SCAPER: variants seen among roughly 807,000 people sequenced by gnomAD.
SCAPER encodes the protein S-phase cyclin A associated protein in the ER.
SCAPER carries 98 observed loss-of-function variants against 182.2 expected under a neutral mutation model. That is an observed-to-expected ratio of 0.54 (90% CI 0.46 to 0.64). The LOEUF (loss-of-function observed/expected upper bound fraction) is 0.64. SCAPER is among the 30% of genes least tolerant of loss of function. SCAPER has a pLI of 0.00. For synonymous variants in SCAPER, 605 were observed against 564.6 expected (o/e 1.07, Z -1.01); for missense variants, 1,432 against 1,690.0 (o/e 0.85, Z 2.68).
chr15:76,365,536 G>T (rs1307369917), intron 29 of SCAPER, among the ~76,000 whole-genome samples: 1 of 152,168 alleles, frequency 6.6e-6, no homozygotes, highest in African/African-American at 2.4e-5. Context: ...CAGGGACAAT[G>T]GCAGCAAGTG....
intron 2 of SCAPER, among the ~76,000 whole-genome samples, chr15:76,876,436 A>C: frequency 1.1e-5 from 1 of 90,822 alleles, no homozygotes; most frequent in Admixed American, 1.4e-4. Flanking sequence ...TCAAAACAAA[A>C]GCAAAAAAAA....
At chr15:76,478,834 T>G (rs1454975649) in intron 24 of SCAPER, among the ~76,000 whole-genome samples, 1 of 152,150 alleles carries the variant, frequency 6.6e-6, no homozygotes, top group East Asian at 1.9e-4. Context: ...TTAAAAATAT[T>G]TCGGGGTATT....
chr15:76,413,334 T>C (rs1468898554), intron 26 of SCAPER, among the ~76,000 whole-genome samples: 1 of 152,214 alleles, frequency 6.6e-6, no homozygotes, highest in Non-Finnish European at 1.5e-5. Flanking sequence ...TTTATTATTA[T>C]GTACGATTTA....
rs1195999354 is a variant in SCAPER, at chr15:76,595,771, G to C, written c.2712-21487C>G. Among the ~76,000 whole-genome samples, 2 of 121,740 alleles carry C rather than the reference G, an allele frequency of 1.6e-5. 1 individual carries two copies. Among genetic ancestry groups the C allele is most frequent in the Non-Finnish European group, 4.0e-5 (2 of 50,082 alleles). 79.9% of individuals were successfully genotyped at this position (121,740 alleles called of 152,430 possible). On this transcript the variant is annotated intron_variant, in intron 22 of 31. Transcript: ENST00000563290. ...ATAAGTTCTTTGAAACCAATGGGAA[G>C]AAATACAAAATGTTCCAGAATCTCT... is the stretch of plus-strand genomic sequence containing the variant.
At chr15:76,489,854 T>C (rs142091468) in intron 24 of SCAPER, among the ~76,000 whole-genome samples, 1 of 152,212 alleles carries the variant, frequency 6.6e-6, no homozygotes, top group South Asian at 2.1e-4. Context: ...TTCTGTGAAT[T>C]TAAATATTTT....
chr15:76,742,692 T>A (rs1017628430), intron 15 of SCAPER, among the ~76,000 whole-genome samples: 2 of 151,826 alleles, frequency 1.3e-5, no homozygotes, highest in Non-Finnish European at 2.9e-5. Flanking sequence ...TTATTTTCAA[T>A]CACCAATCTA....
At chr15:76,479,873 A>G (rs1057426052) in intron 24 of SCAPER, among the ~76,000 whole-genome samples, 2 of 152,252 alleles carry the variant, frequency 1.3e-5, no homozygotes, top group East Asian at 3.8e-4. Context: ...CACAAAATCT[A>G]CATGGGGGAG....
At chr15:76,621,647 G>T in intron 22 of SCAPER, 117 bp downstream of exon 22, 1 of 841,390 alleles carries the variant, frequency 1.2e-6, no homozygotes. Flanking sequence ...TTAAGAGAAT[G>T]CTGTTCTAGA....
At chr15:76,358,756 T>C (rs183700380) in intron 29 of SCAPER, among the ~76,000 whole-genome samples, 2 of 152,362 alleles carry the variant, frequency 1.3e-5, no homozygotes, top group East Asian at 3.9e-4. Flanking sequence ...GTTCAGTCCA[T>C]AGCACAATCC....
At chr15:76,375,665 G>T (rs537432016) in intron 29 of SCAPER, among the ~76,000 whole-genome samples, 1 of 152,274 alleles carries the variant, frequency 6.6e-6, no homozygotes, top group African/African-American at 2.4e-5. Flanking sequence ...GGAGGCCCTA[G>T]GGCTAATCTA....
chr15:76,419,558 G>C (rs1314273867), intron 26 of SCAPER, among the ~76,000 whole-genome samples: 1 of 151,710 alleles, frequency 6.6e-6, no homozygotes, highest in Non-Finnish European at 1.5e-5. Context: ...CTGTCTCTAC[G>C]AAAAATACAA....
chr15:76,562,171 T>A lies in SCAPER; in HGVS notation c.2838+11987A>T, dbSNP rs200252182. Among the ~76,000 whole-genome samples, 733 of 86,784 alleles carry A rather than the reference T, an allele frequency of 8.4e-3. 6 individuals carry two copies. Among genetic ancestry groups the A allele is most frequent in the African/African-American group, 0.025 (679 of 26,934 alleles). The allele number at this position is 86,784 out of a possible 152,430, so 56.9% of individuals were successfully genotyped here. On this transcript the variant is annotated intron_variant, in intron 23 of 31. Coordinates refer to ENST00000563290, the MANE Select transcript of SCAPER (RefSeq NM_020843.4). ...CTCAAAAAAAAAAAAAAAAAAAAAATTAATACCAAATGGACAAGAGACTAA... is the reference window on the plus strand; with the variant it reads ...CTCAAAAAAAAAAAAAAAAAAAAAAATAATACCAAATGGACAAGAGACTAA...
chr15:76,549,749 CAAA>C (rs61165013), intron 23 of SCAPER, among the ~76,000 whole-genome samples: 1 of 151,620 alleles, frequency 6.6e-6, no homozygotes, highest in Non-Finnish European at 1.5e-5. Flanking sequence ...AGTGTAAAAA[CAAA>C]AAAAAGGATG....
In SCAPER at chr15:76,501,737, A is replaced by T. The variant is rs575950737; in HGVS notation, c.2954+3122T>A. 2.2e-4 allele frequency among the ~76,000 whole-genome samples: 33 copies of T among 152,322 alleles called. No homozygotes were observed. The South Asian group carries it at 6.6e-3, about 31-fold the overall frequency. On this transcript the variant is annotated intron_variant, in intron 24 of 31. Coordinates refer to ENST00000563290, the MANE Select transcript of SCAPER (RefSeq NM_020843.4). Reference sequence around the variant, plus strand: ...GGCTAAGGTGGCAAAAGGTTCATGGAGTTGAGGGGTGGGAACCCGCTAGGG... The same window carrying T: ...GGCTAAGGTGGCAAAAGGTTCATGGTGTTGAGGGGTGGGAACCCGCTAGGG...
In SCAPER at chr15:76,430,740, T is replaced by C. The variant is rs149775426; in HGVS notation, c.3311+3338A>G. ...GACTTGCCTTGACTCAGATGAGATG[T>C]TGTACTATGGACTTTTGAGTTAATG... On this transcript the variant is annotated intron_variant, in intron 26 of 31. Coordinates refer to ENST00000563290, the MANE Select transcript of SCAPER (RefSeq NM_020843.4). Among the ~76,000 whole-genome samples the C allele has an allele frequency of 1.1e-4, 17 of 152,324 alleles. 1 individual carries two copies. Among genetic ancestry groups the C allele is most frequent in the African/African-American group, 4.1e-4 (17 of 41,568 alleles).
chr15:76,468,923 T>C (rs1162995767), intron 25 of SCAPER, among the ~76,000 whole-genome samples: 4 of 152,114 alleles, frequency 2.6e-5, no homozygotes, highest in Admixed American at 2.6e-4. Context: ...AAGTGACAAG[T>C]CAGCAGTTTG....
At chr15:76,715,213 T>A (rs1377316951) in intron 17 of SCAPER, among the ~76,000 whole-genome samples, 1 of 144,796 alleles carries the variant, frequency 6.9e-6, no homozygotes, top group Non-Finnish European at 1.5e-5. Context: ...AGACAGCACC[T>A]CACACTTCCA....
intron 22 of SCAPER, among the ~76,000 whole-genome samples, chr15:76,609,311 G>C (rs977211414): frequency 1.3e-5 from 2 of 148,310 alleles, no homozygotes; most frequent in African/African-American, 5.0e-5. Flanking sequence ...ACAATACAGT[G>C]AGATCTTTTC....
At chr15:76,861,179 T>G (rs2071831569) in intron 3 of SCAPER, among the ~76,000 whole-genome samples, 1 of 152,174 alleles carries the variant, frequency 6.6e-6, no homozygotes, top group Non-Finnish European at 1.5e-5. Flanking sequence ...CCAAGGATTA[T>G]CAATAGAAGC....
Sources: allele counts gnomAD v4.1 joint callset (sites outside exome capture counted in the v4.1 genomes callset), GRCh38; gene constraint gnomAD v4.1.1; transcripts MANE v1.5; gene names NCBI Gene and HGNC (gene_info 2026-07-23, HGNC 2026-07-21).